The following NDNF variants were observed in gnomAD, a reference collection of about 807,000 sequenced individuals.
NDNF encodes the protein neuron derived neurotrophic factor.
Under a neutral mutation model 42.0 loss-of-function variants are expected in NDNF, and 16 were observed. That is an observed-to-expected ratio of 0.38 (90% confidence interval 0.26 to 0.58). The LOEUF (loss-of-function observed/expected upper bound fraction) is 0.58, where lower values mean the gene tolerates loss of function less well. Among genes scored for constraint, NDNF ranks in the 20% least tolerant of loss-of-function variants. The pLI, the probability that NDNF is intolerant of heterozygous loss-of-function variation, is 0.67. For synonymous variants in NDNF, 248 were observed against 251.7 expected (o/e 0.99, Z 0.14); for missense variants, 616 against 666.2 (o/e 0.92, Z 0.83).
chr4:121,039,196 A>G (rs1240552607), intron 3 of NDNF, among the ~76,000 whole-genome samples: 558 of 17,094 alleles, frequency 0.033, 9 homozygotes, highest in Non-Finnish European at 0.055. Context: ...GTGTGTGTAT[A>G]TATATATATA....
chr4:121,060,757 A>G lies in NDNF; in HGVS notation c.-2+11236T>C, dbSNP rs551349850. Among the ~76,000 whole-genome samples, 3 of 152,292 alleles carry G rather than the reference A, an allele frequency of 2.0e-5. No individual in the cohort carries two copies. In the South Asian group the frequency reaches 6.2e-4, roughly 32 times the overall value. ...ATTCTGTGGGCCTAATCCCACATTT[A>G]CCCAAATATCTGATGGTCTGGAAGC... On this transcript the variant is annotated intron_variant, in intron 1 of 3. Coordinates refer to ENST00000379692, the MANE Select transcript of NDNF (RefSeq NM_024574.4).
In NDNF at chr4:121,045,681, T is replaced by C; in HGVS notation, c.157A>G (p.Ser53Gly). 1 of 1,614,214 alleles carries C rather than the reference T, an allele frequency of 6.2e-7. No individual in the cohort carries two copies. Among genetic ancestry groups the C allele is most frequent in the Non-Finnish European group, 8.5e-7 (1 of 1,180,014 alleles). The change falls in exon 2 of 4, where the codon AGC (serine) becomes GGC (glycine). Residue 53 changes from serine to glycine, a missense_variant. Transcript: ENST00000379692. ...GGTGTATCTCTAAAGAGATAACTGCTAATTTCAGCTCCATCTGGAATTACT... is the reference window on the plus strand; with the variant it reads ...GGTGTATCTCTAAAGAGATAACTGCCAATTTCAGCTCCATCTGGAATTACT... ...SSVIPDGAEI[S>G]SYLFRDTPKR...
chr4:121,062,266 G>A (rs911869055), intron 1 of NDNF, among the ~76,000 whole-genome samples: 1 of 152,156 alleles, frequency 6.6e-6, no homozygotes, highest in East Asian at 1.9e-4. Flanking sequence ...TATGCTTTTT[G>A]TTATCCTTCA....
chr4:121,056,622 T>C (rs1430555828), intron 1 of NDNF, among the ~76,000 whole-genome samples: 1 of 152,212 alleles, frequency 6.6e-6, no homozygotes, highest in East Asian at 1.9e-4. Flanking sequence ...AGGCACGACC[T>C]TGAATTTCTG....
Position 121,040,048 on chromosome 4 carries a change from G to T in NDNF, c.195C>A (p.Phe65Leu). The T allele has an allele frequency of 6.2e-7, 1 of 1,613,208 alleles. No homozygotes were observed. The highest frequency in any genetic ancestry group is 8.5e-7 in the Non-Finnish European group (1 of 1,179,644). Residue 65 changes from phenylalanine (F) to leucine (L), a missense_variant, in exon 3 of 4, where the codon TTC becomes TTA. Coordinates refer to ENST00000379692, the MANE Select transcript of NDNF (RefSeq NM_024574.4). ...YLFRDTPKRYFFVVEEDNTPL... is the reference protein window; with the variant it reads ...YLFRDTPKRYLFVVEEDNTPL... ...GAGTATTGTCTTCTTCAACCACAAAGAAATACCTGTGGGAAAGTGGACCAC... is the reference window on the plus strand; with the variant it reads ...GAGTATTGTCTTCTTCAACCACAAATAAATACCTGTGGGAAAGTGGACCAC...
Position 121,049,177 on chromosome 4 carries a change from T to A in NDNF, c.-1-3339A>T, listed in dbSNP as rs76499236. Among the ~76,000 whole-genome samples the A allele has an allele frequency of 2.6e-5, 4 of 152,284 alleles. No individual in the cohort carries two copies. The East Asian group carries it at 7.7e-4, about 29-fold the overall frequency. On this transcript the variant is annotated intron_variant, in intron 1 of 3. Coordinates refer to ENST00000379692, the MANE Select transcript of NDNF (RefSeq NM_024574.4). ...ATTCAAGTTATAGGATTATGCAGAG[T>A]AAGTGTTGGGAGGCAATTCTCCATG...
At chr4:121,055,284 G>T (rs1727271025) in intron 1 of NDNF, among the ~76,000 whole-genome samples, 1 of 152,192 alleles carries the variant, frequency 6.6e-6, no homozygotes, top group African/African-American at 2.4e-5. Context: ...TACTGCAGTT[G>T]TCCATGGTAG....
chr4:121,050,751 T>G (rs1428783309), intron 1 of NDNF, among the ~76,000 whole-genome samples: 1 of 152,172 alleles, frequency 6.6e-6, no homozygotes, highest in Non-Finnish European at 1.5e-5. Flanking sequence ...GTCAAAGGCC[T>G]TCTTCACATT....
At chr4:121,048,521 T>C (rs1727133070) in intron 1 of NDNF, among the ~76,000 whole-genome samples, 1 of 152,062 alleles carries the variant, frequency 6.6e-6, no homozygotes, top group African/African-American at 2.4e-5. Flanking sequence ...AGGAAAGAAC[T>C]CTCTATTAAA....
chr4:121,051,178 T>C (rs1244655623), intron 1 of NDNF, among the ~76,000 whole-genome samples: 2 of 152,092 alleles, frequency 1.3e-5, no homozygotes, highest in Non-Finnish European at 2.9e-5. Context: ...ACCCAAGAGA[T>C]ATGGAGAAGG....
chr4:121,062,195 G>A (rs1469244615), intron 1 of NDNF, among the ~76,000 whole-genome samples: 1 of 152,166 alleles, frequency 6.6e-6, no homozygotes, highest in African/African-American at 2.4e-5. Context: ...TAGAAGCACA[G>A]AGTTAAAGGC....
intron 1 of NDNF, among the ~76,000 whole-genome samples, chr4:121,054,328 CATTA>C (rs1286255255): frequency 2.0e-5 from 3 of 152,144 alleles, no homozygotes; most frequent in African/African-American, 7.2e-5. Context: ...TCTACTCATT[CATTA>C]TTTTTTTAAT....
At position 121,045,740 on chromosome 4, in the gene NDNF, T is replaced by G. The variant is rs763830421; in HGVS notation, c.98A>C (p.Gln33Pro). The change falls in exon 2 of 4, where the codon CAG (glutamine) becomes CCG (proline). Residue 33 changes from glutamine to proline, a missense_variant. Coordinates refer to ENST00000379692, the MANE Select transcript of NDNF (RefSeq NM_024574.4). Reference sequence around the variant, plus strand: ...ATGAAAAAATGCCTTGTCCCGGATCTGCATCTGAAAAAGTTCCTCATCCCG... The same window carrying G: ...ATGAAAAAATGCCTTGTCCCGGATCGGCATCTGAAAAAGTTCCTCATCCCG... ...PTRDEELFQM[Q>P]IRDKAFFHDS... 6.2e-7 allele frequency: 1 copy of G among 1,614,108 alleles called. No individual in the cohort carries two copies.
intron 1 of NDNF, among the ~76,000 whole-genome samples, chr4:121,055,731 T>A (rs1202694785): frequency 1.3e-5 from 2 of 152,146 alleles, no homozygotes; most frequent in Admixed American, 1.3e-4. Flanking sequence ...ATTTCAATTA[T>A]CATGGTGGGA....
chr4:121,063,333 C>G (rs1172966175), intron 1 of NDNF, among the ~76,000 whole-genome samples: 1 of 152,094 alleles, frequency 6.6e-6, no homozygotes, highest in Non-Finnish European at 1.5e-5. Flanking sequence ...TTTCTAATCC[C>G]AAATTTTCTT....
Position 121,036,653 on chromosome 4 carries a change from T to G in NDNF, c.1318A>C (p.Thr440Pro). 6.2e-7 allele frequency: 1 copy of G among 1,614,188 alleles called. No homozygotes were observed. The highest frequency in any genetic ancestry group is 8.5e-7 in the Non-Finnish European group (1 of 1,180,022). The change falls in exon 4 of 4, where the codon ACT becomes CCT. Residue 440 changes from threonine (T) to proline (P), a missense_variant. Thr to Pro is a conservative substitution (Grantham distance 38). Coordinates refer to ENST00000379692, the MANE Select transcript of NDNF (RefSeq NM_024574.4). ...GGAAGAGAGGGAAATGACTGCTTAG[T>G]AGGCCTTGTGGTAGCTAGAATTTTC... ...MLKILATTRP[T>P]KQSFPSLPED...
At chr4:121,062,880 C>G (rs1727437623) in intron 1 of NDNF, among the ~76,000 whole-genome samples, 1 of 152,052 alleles carries the variant, frequency 6.6e-6, no homozygotes. Flanking sequence ...TGTGAATAAA[C>G]TTTAAATGTG....
At chr4:121,053,255 A>T (rs1727231254) in intron 1 of NDNF, among the ~76,000 whole-genome samples, 1 of 152,230 alleles carries the variant, frequency 6.6e-6, no homozygotes, top group Non-Finnish European at 1.5e-5. Context: ...AATTAATATA[A>T]AAAAGCAATG....
intron 1 of NDNF, among the ~76,000 whole-genome samples, chr4:121,053,636 G>A (rs1049888447): frequency 6.6e-6 from 1 of 152,162 alleles, no homozygotes; most frequent in Non-Finnish European, 1.5e-5. Flanking sequence ...AGCAGTGTAT[G>A]GGAGAATGCA....
Sources: gnomAD v4.1 joint callset for allele counts (sites outside exome capture counted in the v4.1 genomes callset) on GRCh38, gnomAD v4.1.1 for gene constraint, MANE v1.5 for transcripts, NCBI Gene and HGNC (gene_info 2026-07-23, HGNC 2026-07-21) for gene names.